ATF6B: variants seen among roughly 807,000 people sequenced by gnomAD.
ATF6B encodes the protein cyclic AMP-dependent transcription factor ATF-6 beta.
In ATF6B, 50 loss-of-function variants were observed where a neutral mutation model predicts 83.5. That is an observed-to-expected ratio of 0.60 (90% confidence interval 0.48 to 0.76). The LOEUF (loss-of-function observed/expected upper bound fraction) is 0.76, where lower values mean the gene tolerates loss of function less well. Among genes scored for constraint, ATF6B ranks in the 30% least tolerant of loss-of-function variants. The probability of loss-of-function intolerance (pLI) is 0.00; values close to 1 mark genes in which losing one functional copy is unlikely to be tolerated. For synonymous variants in ATF6B, 344 were observed against 362.8 expected, an observed-to-expected ratio of 0.95 and a Z score of 0.59; for missense variants, 790 against 893.8, an observed-to-expected ratio of 0.88 and a Z score of 1.48.
At position 32,117,442 on chromosome 6, in the gene ATF6B, C is replaced by G. The variant is rs771757925; in HGVS notation, c.1533-38G>C. 2.5e-6 allele frequency: 4 copies of G among 1,609,326 alleles called. No individual in the cohort carries two copies. In the African/African-American group the frequency reaches 5.3e-5, roughly 21 times the overall value. On this transcript the variant is annotated intron_variant, in intron 13 of 17. Transcript: ENST00000375203. The surrounding 1 kb of genome is among the most constrained non-coding windows in gnomAD (Gnocchi z 5.0). Reference sequence around the variant, plus strand: ...AGGAGCTCAGGACCTCCATGCCAGGCCAAGATTCCCACCCTCCTTGCCCAC... The same window carrying G: ...AGGAGCTCAGGACCTCCATGCCAGGGCAAGATTCCCACCCTCCTTGCCCAC...
chr6:32,128,211 T>TCCCCCCCCCCCCCCCCCCCCCACACC lies in ATF6B; in HGVS notation c.-5_-4insGGTGTGGGGGGGGGGGGGGGGGGGGG. ...TGAGCAGCATCAGCTCCGCCATCTT[T>TCCCCCCCCCCCCCCCCCCCCCACACC]CCCCCCCACCCCCCAACCAGGAGAC... On this transcript the variant is annotated 5_prime_UTR_variant, in exon 1 of 18. Coordinates refer to ENST00000375203, the MANE Select transcript of ATF6B (RefSeq NM_004381.5). The TCCCCCCCCCCCCCCCCCCCCCACACC allele has an allele frequency of 6.5e-7, 1 of 1,536,888 alleles. No homozygotes were observed. The highest frequency in any genetic ancestry group is 1.1e-5 in the South Asian group (1 of 87,862).
rs1781765033 is a variant in ATF6B, at chr6:32,121,450, C to T, written c.479-102G>A. 5.8e-6 allele frequency: 7 copies of T among 1,199,806 alleles called. No individual in the cohort carries two copies. In the South Asian group the frequency reaches 9.0e-5, roughly 15 times the overall value. The allele number at this position is 1,199,806 out of a possible 1,614,324, so 74.3% of individuals were successfully genotyped here. A position where few individuals can be genotyped will look rare whatever the true frequency, so the allele number is the denominator to read the frequency against. On this transcript the variant is annotated intron_variant, in intron 5 of 17. Coordinates refer to ENST00000375203, the MANE Select transcript of ATF6B (RefSeq NM_004381.5). Reference sequence around the variant, plus strand: ...GGGCATGGTGGCTCACGCCTGTAATCTCAGCACTTTGGGAGGCCAAGGCGG... The same window carrying T: ...GGGCATGGTGGCTCACGCCTGTAATTTCAGCACTTTGGGAGGCCAAGGCGG...
In ATF6B at chr6:32,115,682, C is replaced by T. The variant is rs530434563; in HGVS notation, c.*57G>A. On this transcript the variant is annotated 3_prime_UTR_variant, in exon 18 of 18. Transcript: ENST00000375203. ...GGGATCAGGGAAATTTGAAACAGTC[C>T]CACCTGGCCACCTGGTACCCCCTCC... 6.9e-6 allele frequency: 10 copies of T among 1,448,276 alleles called. No individual in the cohort carries two copies. Among genetic ancestry groups the T allele is most frequent in the South Asian group, 1.3e-5 (1 of 74,530 alleles). 89.7% of individuals were successfully genotyped at this position (1,448,276 alleles called of 1,614,324 possible). A position where few individuals can be genotyped will look rare whatever the true frequency, so the allele number is the denominator to read the frequency against.
intron 5 of ATF6B, among the ~76,000 whole-genome samples, chr6:32,122,859 A>C (rs1446557821): frequency 2.0e-5 from 3 of 151,256 alleles, no homozygotes; most frequent in African/African-American, 2.4e-5. Context: ...AAAAAAAAAA[A>C]AAAAAACTTC....
At position 32,127,659 on chromosome 6, in the gene ATF6B, G is replaced by A. The variant is rs1345986419; in HGVS notation, c.171+12C>T. 7.4e-6 allele frequency: 12 copies of A among 1,614,160 alleles called. No individual in the cohort carries two copies. Among genetic ancestry groups the A allele is most frequent in the South Asian group, 6.6e-5 (6 of 91,086 alleles). On this transcript the variant is annotated intron_variant, in intron 2 of 17. Coordinates refer to ENST00000375203, the MANE Select transcript of ATF6B (RefSeq NM_004381.5). ...CCCACCAAGGGTTAGAGAAAGGCTGGGGACACAATACCGGGACATCCTGCT... is the reference window on the plus strand; with the variant it reads ...CCCACCAAGGGTTAGAGAAAGGCTGAGGACACAATACCGGGACATCCTGCT...
In ATF6B at chr6:32,116,461, C is replaced by A; in HGVS notation, c.1882+19G>T. ...CTCCCTGTTGGAACTGCCCCCATAC[C>A]CAGCAGGGAAAGAGTTACCATTGGG... On this transcript the variant is annotated intron_variant, in intron 17 of 17. Transcript: ENST00000375203. The surrounding 1 kb of genome is among the most constrained non-coding windows in gnomAD (Gnocchi z 5.1). 1 of 1,606,646 alleles carries A rather than the reference C, an allele frequency of 6.2e-7. No homozygotes were observed. The highest frequency in any genetic ancestry group is 8.5e-7 in the Non-Finnish European group (1 of 1,175,142).
Position 32,117,031 on chromosome 6 carries a change from A to G in ATF6B, c.1685+6T>C. 1 of 1,613,492 alleles carries G rather than the reference A, an allele frequency of 6.2e-7. No individual in the cohort carries two copies. Among genetic ancestry groups the G allele is most frequent in the South Asian group, 1.1e-5 (1 of 91,060 alleles). On this transcript the variant is annotated splice_donor_region_variant and intron_variant, in intron 15 of 17. Coordinates refer to ENST00000375203, the MANE Select transcript of ATF6B (RefSeq NM_004381.5). The surrounding 1 kb of genome is among the most constrained non-coding windows in gnomAD (Gnocchi z 5.0). ...TTAATAAGTAAGCACCCCACCCCAC[A>G]CTCACCTTTCTGGGGGTCCAGGGGG...
Position 32,115,916 on chromosome 6 carries a change from G to T in ATF6B, c.1935C>A (p.Ile645=). The T allele has an allele frequency of 6.2e-7, 1 of 1,614,110 alleles. No homozygotes were observed. The highest frequency in any genetic ancestry group is 8.5e-7 in the Non-Finnish European group (1 of 1,180,004). The change falls in exon 18 of 18, where the codon ATC becomes ATA. Residue 645 remains isoleucine, a synonymous_variant. Transcript: ENST00000375203. The stretch of plus-strand genomic sequence containing the variant: ...CCCTGGTGTCCATGACCTCACACTC[G>T]ATCTGCATCATCTCCTCATAGTCCC... The part of the protein sequence containing the change: ...APGDYEEMMQ[I]ECEVMDTRVI...
At chr6:32,126,561 T>A (rs1781988108) in intron 4 of ATF6B, among the ~76,000 whole-genome samples, 1 of 152,138 alleles carries the variant, frequency 6.6e-6, no homozygotes, top group African/African-American at 2.4e-5. Flanking sequence ...TAACTCTTTA[T>A]ATTAAAAAGA....
intron 8 of ATF6B, 61 bp from the exon 9 acceptor site, chr6:32,120,018 C>A (rs1412814736): frequency 7.1e-6 from 11 of 1,552,804 alleles, no homozygotes; most frequent in Non-Finnish European, 7.8e-6. Context: ...GTGTCCACAC[C>A]CACACAAGAG....
chr6:32,122,947 T>C (rs1448329048), intron 5 of ATF6B, among the ~76,000 whole-genome samples: 62 of 140,294 alleles, frequency 4.4e-4, no homozygotes, highest in Non-Finnish European at 8.9e-4. Flanking sequence ...TGGCTGGGCA[T>C]GGTGGCTCAC....
intron 5 of ATF6B, among the ~76,000 whole-genome samples, chr6:32,124,723 C>G (rs1032752262): frequency 2.0e-5 from 3 of 152,328 alleles, no homozygotes; most frequent in African/African-American, 7.2e-5. Flanking sequence ...CCACACTGTC[C>G]TCCTGGCTAA....
Position 32,117,071 on chromosome 6 carries a change from C to G in ATF6B, c.1651G>C (p.Ala551Pro). The G allele has an allele frequency of 6.2e-7, 1 of 1,614,046 alleles. No homozygotes were observed. The highest frequency in any genetic ancestry group is 1.1e-5 in the South Asian group (1 of 91,076). The change falls in exon 15 of 18, where the codon GCA (alanine) becomes CCA (proline). Residue 551 changes from alanine to proline, a missense_variant. Coordinates refer to ENST00000375203, the MANE Select transcript of ATF6B (RefSeq NM_004381.5). This position sits in a 1 kb window ranked among gnomAD's most constrained non-coding sequence, Gnocchi z 5.0. ...QPRKKSPPVK[A>P]VPIQPPGPPE... Reference sequence around the variant, plus strand: ...GGTCCAGGGGGTTGGATGGGGACTGCCTTAACTGGAGGTGACTTCTTCCGT... The same window carrying G: ...GGTCCAGGGGGTTGGATGGGGACTGGCTTAACTGGAGGTGACTTCTTCCGT...
intron 5 of ATF6B, among the ~76,000 whole-genome samples, chr6:32,124,367 A>T (rs1056343572): frequency 7.2e-5 from 11 of 152,218 alleles, no homozygotes; most frequent in Admixed American, 7.2e-4. Context: ...AATGTCCAGG[A>T]GGTCACAACT....
chr6:32,115,864 G>A lies in ATF6B; in HGVS notation c.1987C>T (p.Pro663Ser). The change falls in exon 18 of 18, where the codon CCC (proline) becomes TCC (serine). Residue 663 changes from proline (P) to serine (S), a missense_variant. Coordinates refer to ENST00000375203, the MANE Select transcript of ATF6B (RefSeq NM_004381.5). ...GATGGCTGTTTTCGGAGCGAGGGGGGCACTGTGGAGGTCTTGATGTGAATC... is the reference window on the plus strand; with the variant it reads ...GATGGCTGTTTTCGGAGCGAGGGGGACACTGTGGAGGTCTTGATGTGAATC... Reference protein sequence around the residue: ...RVIHIKTSTVPPSLRKQPSPT... With the variant: ...RVIHIKTSTVSPSLRKQPSPT... 5 of 1,614,126 alleles carry A rather than the reference G, an allele frequency of 3.1e-6. No individual in the cohort carries two copies. Among genetic ancestry groups the A allele is most frequent in the Non-Finnish European group, 4.2e-6 (5 of 1,180,006 alleles).
Position 32,117,473 on chromosome 6 carries a change from GGAGT to G in ATF6B, c.1533-73_1533-70del. 6.3e-7 allele frequency: 1 copy of G among 1,598,176 alleles called. No individual in the cohort carries two copies. Among genetic ancestry groups the G allele is most frequent in the Non-Finnish European group, 8.6e-7 (1 of 1,169,020 alleles). On this transcript the variant is annotated intron_variant, in intron 13 of 17. Transcript: ENST00000375203. This position sits in a 1 kb window ranked among gnomAD's most constrained non-coding sequence, Gnocchi z 5.0. ...TTCCCACCCTCCTTGCCCACCCACA[GGAGT>G]GAGGAGAGGGCAGGGAGCACTGGCG... is the stretch of plus-strand genomic sequence containing the variant.
chr6:32,120,680 ACCTCAGGTGATTCGCCCG>A (rs1781725589), intron 8 of ATF6B, 73 bp downstream of exon 8: 1 of 1,456,388 alleles, frequency 6.9e-7, no homozygotes, highest in Non-Finnish European at 9.3e-7. Flanking sequence ...TAAACTTCTG[ACCTCAGGTGATTCGCCCG>A]CCTCAGCCTC....
rs2127349031 is a variant in ATF6B at position 32,127,287 on chromosome 6, G to A, written c.251-93C>T. The A allele has an allele frequency of 5.1e-6, 7 of 1,378,748 alleles. No homozygotes were observed. The Middle Eastern group carries it at 9.1e-4, about 180-fold the overall frequency. The allele number at this position is 1,378,748 out of a possible 1,614,324, so 85.4% of individuals were successfully genotyped here. A position where few individuals can be genotyped will look rare whatever the true frequency, so the allele number is the denominator to read the frequency against. On this transcript the variant is annotated intron_variant, in intron 3 of 17. Coordinates refer to ENST00000375203, the MANE Select transcript of ATF6B (RefSeq NM_004381.5). The stretch of plus-strand genomic sequence containing the variant: ...ACATGTCGGTGGGGATTCCTGTACC[G>A]CAGCAAGGGAGAAGAAACAAAAATA...
chr6:32,127,409 G>A, intron 3 of ATF6B, 33 bp downstream of exon 3: 2 of 1,590,006 alleles, frequency 1.3e-6, no homozygotes, highest in South Asian at 2.2e-5. Flanking sequence ...GAGGGTTTCT[G>A]GAAATCTGAG....
Sources: allele counts gnomAD v4.1 joint callset (sites outside exome capture counted in the v4.1 genomes callset), GRCh38; gene constraint gnomAD v4.1.1; non-coding constraint Gnocchi (gnomAD v3.1); transcripts MANE v1.5; gene names NCBI Gene and HGNC (gene_info 2026-07-23, HGNC 2026-07-21).